SLF1: variants seen among roughly 807,000 people sequenced by gnomAD.
The protein encoded by SLF1 is SMC5/6 complex localization factor 1, also known as SMC5-SMC6 complex localization factor protein 1.
SLF1 carries 105 observed loss-of-function variants against 123.0 expected under a neutral mutation model. The observed-to-expected ratio is 0.85, with a 90% confidence interval of 0.73 to 1.00. SLF1 has a LOEUF of 1.00. Among genes scored for constraint, SLF1 ranks in the 50% least tolerant of loss-of-function variants. SLF1 has a pLI of 0.00. For synonymous variants in SLF1, 434 were observed against 406.6 expected (o/e 1.07, Z -0.81); for missense variants, 1,239 against 1,223.0 (o/e 1.01, Z -0.20).
chr5:94,671,134 G>T, intron 14 of SLF1, 126 bp downstream of exon 14: 1 of 717,150 alleles, frequency 1.4e-6, no homozygotes, highest in African/African-American at 1.8e-5. Flanking sequence ...ATATATCATT[G>T]TTTTCTATTT....
At chr5:94,647,217 C>T (rs1002633492) in intron 5 of SLF1, among the ~76,000 whole-genome samples, 3 of 152,142 alleles carry the variant, frequency 2.0e-5, no homozygotes, top group Non-Finnish European at 4.4e-5. Flanking sequence ...ATACCATAAA[C>T]GAATATCTAG....
chr5:94,653,145 C>G, intron 7 of SLF1, 127 bp from the exon 8 acceptor site: 1 of 918,302 alleles, frequency 1.1e-6, no homozygotes, highest in Non-Finnish European at 1.5e-6. Context: ...GCATGAGCCA[C>G]CGCGCCCGGC....
intron 4 of SLF1, among the ~76,000 whole-genome samples, chr5:94,639,764 G>A (rs567250692): frequency 5.9e-5 from 9 of 152,240 alleles, no homozygotes; most frequent in African/African-American, 1.7e-4. Flanking sequence ...CATCATAAAC[G>A]TCTTCATCCT....
chr5:94,636,320 A>G (rs888274352), intron 4 of SLF1, among the ~76,000 whole-genome samples: 2 of 152,184 alleles, frequency 1.3e-5, no homozygotes, highest in African/African-American at 2.4e-5. Flanking sequence ...GGATGTGGTC[A>G]TCTTTTCCCA....
At chr5:94,629,053 A>T (rs1014718383) in intron 2 of SLF1, 39 bp from the exon 3 acceptor site, 21 of 1,495,554 alleles carry the variant, frequency 1.4e-5, no homozygotes, top group Admixed American at 2.2e-5. Context: ...AGGGAGTCTT[A>T]CTTTAGTAAC....
At position 94,695,254 on chromosome 5, in the gene SLF1, C is replaced by G. The variant is rs912275226; in HGVS notation, c.3119C>G (p.Thr1040Ser). 1 of 1,612,112 alleles carries G rather than the reference C, an allele frequency of 6.2e-7. No individual in the cohort carries two copies. The highest frequency in any genetic ancestry group is 8.5e-7 in the Non-Finnish European group (1 of 1,178,680). ...TTGAAAGTGTGTCCTGGGGTACACA[C>G]TGAGGCCTTGATGATAACATTGGAA... ...ENLKVCPGVHTEALMITLEMM... is the reference protein window; with the variant it reads ...ENLKVCPGVHSEALMITLEMM... The change falls in exon 21 of 21, where the codon ACT becomes AGT. Residue 1040 changes from threonine to serine, a missense_variant. By Grantham distance (58) the Thr-to-Ser change is moderately conservative. Coordinates refer to ENST00000265140, the MANE Select transcript of SLF1 (RefSeq NM_032290.4).
At chr5:94,637,510 A>G (rs1321933616) in intron 4 of SLF1, among the ~76,000 whole-genome samples, 1 of 152,096 alleles carries the variant, frequency 6.6e-6, no homozygotes, top group Non-Finnish European at 1.5e-5. Context: ...CTGCAGTTGG[A>G]CAAAGTTGCA....
chr5:94,665,721 C>G (rs1348473797), intron 11 of SLF1, 140 bp from the exon 12 acceptor site: 8 of 761,308 alleles, frequency 1.1e-5, no homozygotes, highest in Non-Finnish European at 1.4e-5. Context: ...CCACTGCACT[C>G]CAGCCTGGGT....
At chr5:94,682,996 C>G (rs1479383326) in intron 15 of SLF1, among the ~76,000 whole-genome samples, 3 of 152,162 alleles carry the variant, frequency 2.0e-5, no homozygotes, top group African/African-American at 7.2e-5. Flanking sequence ...AAACTTTATT[C>G]GTAAAAACAG....
chr5:94,633,612 A>G (rs1443695079), intron 4 of SLF1, among the ~76,000 whole-genome samples: 1 of 152,226 alleles, frequency 6.6e-6, no homozygotes, highest in Non-Finnish European at 1.5e-5. Flanking sequence ...TTGCAAAGAA[A>G]GAAAAATAAT....
chr5:94,631,195 T>C (rs1745158078), intron 4 of SLF1, among the ~76,000 whole-genome samples: 1 of 152,178 alleles, frequency 6.6e-6, no homozygotes, highest in Non-Finnish European at 1.5e-5. Context: ...GTAAACTGTA[T>C]TCTAAGACTG....
chr5:94,633,052 G>A (rs916909188), intron 4 of SLF1, among the ~76,000 whole-genome samples: 1 of 151,776 alleles, frequency 6.6e-6, no homozygotes, highest in Non-Finnish European at 1.5e-5. Flanking sequence ...GTGCAGTGGC[G>A]TGATCTTGGC....
chr5:94,695,339 T>C lies in SLF1; in HGVS notation c.*27T>C. 2 of 1,573,096 alleles carry C rather than the reference T, an allele frequency of 1.3e-6. No homozygotes were observed. Among genetic ancestry groups the C allele is most frequent in the Non-Finnish European group, 1.7e-6 (2 of 1,159,288 alleles). On this transcript the variant is annotated 3_prime_UTR_variant, in exon 21 of 21. Coordinates refer to ENST00000265140, the MANE Select transcript of SLF1 (RefSeq NM_032290.4). ...GATGCTAGAAAGTATGGATTGACTT[T>C]CTAAATCTGTTCAGTTTGCATTGGT...
intron 4 of SLF1, among the ~76,000 whole-genome samples, chr5:94,641,985 A>G (rs936832386): frequency 2.1e-4 from 32 of 152,024 alleles, no homozygotes; most frequent in Non-Finnish European, 3.2e-4. Context: ...TTTTGCTTCT[A>G]TCCCTCATCC....
intron 4 of SLF1, among the ~76,000 whole-genome samples, chr5:94,639,171 A>T (rs1358279741): frequency 6.7e-6 from 1 of 150,312 alleles, no homozygotes; most frequent in Non-Finnish European, 1.5e-5. Context: ...TTCCCGAATA[A>T]CTGGATAACA....
intron 20 of SLF1, 117 bp from the exon 21 acceptor site, chr5:94,694,714 A>G: frequency 2.3e-6 from 3 of 1,305,680 alleles, no homozygotes; most frequent in Non-Finnish European, 3.1e-6. Flanking sequence ...ACATGAATTA[A>G]TACAAAATAT....
At chr5:94,662,776 C>T (rs955592156) in intron 10 of SLF1, among the ~76,000 whole-genome samples, 3 of 152,194 alleles carry the variant, frequency 2.0e-5, no homozygotes, top group Admixed American at 1.3e-4. Flanking sequence ...TATATCCAGT[C>T]TATTGTTAAA....
At chr5:94,685,833 CAAAAAA>C (rs758208359) in intron 15 of SLF1, among the ~76,000 whole-genome samples, 1 of 110,672 alleles carries the variant, frequency 9.0e-6, no homozygotes, top group Non-Finnish European at 1.9e-5. Context: ...GACTCCGTCT[CAAAAAA>C]AAAAAAAAAA....
chr5:94,692,978 GAA>G (rs1447751341), intron 20 of SLF1, among the ~76,000 whole-genome samples: 1 of 151,908 alleles, frequency 6.6e-6, no homozygotes, highest in Non-Finnish European at 1.5e-5. Flanking sequence ...GCTTTTAAAA[GAA>G]AAAAAGAAAA....
Sources: gnomAD v4.1 joint callset for allele counts (sites outside exome capture counted in the v4.1 genomes callset) on GRCh38, gnomAD v4.1.1 for gene constraint, MANE v1.5 for transcripts, NCBI Gene and HGNC (gene_info 2026-07-23, HGNC 2026-07-21) for gene names.